The following MALT1 variants were observed in gnomAD, a reference collection of about 807,000 sequenced individuals.
MALT1 encodes MALT1 paracaspase, also known as mucosa-associated lymphoid tissue lymphoma translocation protein 1.
A neutral mutation model predicts 85.5 loss-of-function variants in MALT1; 36 were observed. That is an observed-to-expected ratio of 0.42 (90% CI 0.32 to 0.56). The LOEUF (loss-of-function observed/expected upper bound fraction) is 0.56. Ranked by LOEUF, MALT1 falls within the 20% of genes least tolerant of loss-of-function variation. The pLI, the probability that MALT1 is intolerant of heterozygous loss-of-function variation, is 0.10. For missense variants in MALT1, 716 were observed against 981.6 expected (o/e 0.73, Z 3.62); for synonymous variants, 359 against 361.3 (o/e 0.99, Z 0.07).
chr18:58,740,268 T>G (rs145140291), intron 13 of MALT1, among the ~76,000 whole-genome samples: 42 of 152,318 alleles, frequency 2.8e-4, no homozygotes, highest in Non-Finnish European at 4.4e-5. Context: ...GCTATTTCAT[T>G]TTGAAGAACC....
intron 2 of MALT1, among the ~76,000 whole-genome samples, chr18:58,693,259 A>T (rs2054539262): frequency 1.3e-5 from 2 of 152,096 alleles, no homozygotes; most frequent in Non-Finnish European, 2.9e-5. Flanking sequence ...CGTCTTTGCA[A>T]AAAATACAAA....
chr18:58,729,724 ATC>A (rs1296397461), intron 10 of MALT1, among the ~76,000 whole-genome samples: 2 of 152,222 alleles, frequency 1.3e-5, no homozygotes, highest in Non-Finnish European at 2.9e-5. Context: ...CAGGTTGAAT[ATC>A]TCTAATCTGA....
At position 58,747,561 on chromosome 18, in the gene MALT1, A is replaced by G; in HGVS notation, c.2194A>G (p.Met732Val). Residue 732 changes from methionine to valine, a missense_variant, in exon 17 of 17, where the codon ATG (methionine) becomes GTG (valine). By Grantham distance (21) the Met-to-Val change is conservative. Transcript: ENST00000649217. Reference protein sequence around the residue: ...GRKTCFQTCLMSNGPYQSSAA... With the variant: ...GRKTCFQTCLVSNGPYQSSAA... ...GAAGACTTGCTTTCAAACTTGTCTT[A>G]TGTCTAATGGTCCTTACCAGAGTTC... is the stretch of plus-strand genomic sequence containing the variant. The G allele has an allele frequency of 6.2e-7, 1 of 1,614,186 alleles. No homozygotes were observed. Among genetic ancestry groups the G allele is most frequent in the Non-Finnish European group, 8.5e-7 (1 of 1,180,020 alleles).
At chr18:58,689,258 T>TA (rs11421834) in intron 2 of MALT1, among the ~76,000 whole-genome samples, 87,139 of 143,952 alleles carry the variant, frequency 0.61, 27,798 homozygotes, top group African/African-American at 0.87. Flanking sequence ...TTTTACAATG[T>TA]AAAAAAAAAA....
chr18:58,675,180 G>A (rs2054222663), intron 1 of MALT1: 1 of 152,158 alleles, frequency 6.6e-6, no homozygotes, highest in Admixed American at 6.5e-5. Flanking sequence ...TAAATTCTTT[G>A]GTGGCATGGA....
In MALT1 at chr18:58,744,534, C is replaced by A; in HGVS notation, c.1911+39C>A. The A allele has an allele frequency of 4.3e-6, 6 of 1,396,778 alleles. No homozygotes were observed. In the South Asian group the frequency reaches 8.8e-5, roughly 20 times the overall value. The allele number at this position is 1,396,778 out of a possible 1,614,324, so 86.5% of individuals were successfully genotyped here. ...TTTATTTAAAATACAGTGATATATTCTCACTTATTAAAGACTAAATTTTTT... is the reference window on the plus strand; with the variant it reads ...TTTATTTAAAATACAGTGATATATTATCACTTATTAAAGACTAAATTTTTT... On this transcript the variant is annotated intron_variant, in intron 15 of 16. Coordinates refer to ENST00000649217, the MANE Select transcript of MALT1 (RefSeq NM_006785.4).
chr18:58,720,921 T>TC (rs1311107426), intron 9 of MALT1, among the ~76,000 whole-genome samples: 2 of 152,192 alleles, frequency 1.3e-5, no homozygotes, highest in African/African-American at 4.8e-5. Flanking sequence ...TTCTCACATT[T>TC]CCCCTCACCT....
rs1018017463 is a variant in MALT1 at position 58,753,841 on chromosome 18, T to C, written c.*5999T>C. 1 of 152,214 alleles carries C rather than the reference T, an allele frequency of 6.6e-6. No homozygotes were observed. Among genetic ancestry groups the C allele is most frequent in the African/African-American group, 2.4e-5 (1 of 41,462 alleles). The allele number at this position is 152,214 out of a possible 1,614,324, so 9.4% of individuals were successfully genotyped here. The stretch of plus-strand genomic sequence containing the variant: ...AGGAGTCTTCAGTTTAAAAGTACAG[T>C]GTCATTACAGAGTGCTTATTCTGTT... On this transcript the variant is annotated 3_prime_UTR_variant, in exon 17 of 17. Transcript: ENST00000649217.
rs1254476277 is a variant in MALT1 at position 58,749,010 on chromosome 18, A to G, written c.*1168A>G. 1 of 210,152 alleles carries G rather than the reference A, an allele frequency of 4.8e-6. No individual in the cohort carries two copies. Among genetic ancestry groups the G allele is most frequent in the African/African-American group, 2.3e-5 (1 of 44,100 alleles). The allele number at this position is 210,152 out of a possible 1,614,324, so 13.0% of individuals were successfully genotyped here. ...ATTAATACAAACACAAAAATCATTA[A>G]CAAAAATATTAGCAAACTGAATCCA... On this transcript the variant is annotated 3_prime_UTR_variant, in exon 17 of 17. Transcript: ENST00000649217.
chr18:58,729,605 T>A (rs75022589), intron 10 of MALT1, among the ~76,000 whole-genome samples: 5 of 152,126 alleles, frequency 3.3e-5, no homozygotes, highest in African/African-American at 1.2e-4. Flanking sequence ...ATCTTTGTAA[T>A]TTAATTTTCT....
intron 16 of MALT1, 79 bp downstream of exon 16, chr18:58,745,870 AT>A: frequency 7.8e-7 from 1 of 1,282,554 alleles, no homozygotes; most frequent in South Asian, 1.4e-5. Flanking sequence ...GACCATAGAT[AT>A]GCTGCCTTAT....
chr18:58,747,754 G>A lies in MALT1; in HGVS notation c.2387G>A (p.Cys796Tyr). 3.7e-6 allele frequency: 6 copies of A among 1,614,108 alleles called. No individual in the cohort carries two copies. Among genetic ancestry groups the A allele is most frequent in the Non-Finnish European group, 5.1e-6 (6 of 1,179,962 alleles). ...TCAAGTTTCGCTCACCATGCTTCATGTCATTTTAGTAGAAGTAATGTGCCA... is the reference window on the plus strand; with the variant it reads ...TCAAGTTTCGCTCACCATGCTTCATATCATTTTAGTAGAAGTAATGTGCCA... ...FISSFAHHAS[C>Y]HFSRSNVPVE... Residue 796 changes from cysteine to tyrosine, a missense_variant, in exon 17 of 17, where the codon TGT becomes TAT. By Grantham distance (194) the Cys-to-Tyr change is radical. Coordinates refer to ENST00000649217, the MANE Select transcript of MALT1 (RefSeq NM_006785.4).
chr18:58,678,384 C>T (rs1320655674), intron 1 of MALT1, among the ~76,000 whole-genome samples: 1 of 152,156 alleles, frequency 6.6e-6, no homozygotes, highest in Non-Finnish European at 1.5e-5. Context: ...GAAATTCATT[C>T]AGTAATCATT....
At position 58,710,026 on chromosome 18, in the gene MALT1, T is replaced by C. The variant is rs2144389003; in HGVS notation, c.879T>C (p.Tyr293=). 1 of 1,612,794 alleles carries C rather than the reference T, an allele frequency of 6.2e-7. No homozygotes were observed. The highest frequency in any genetic ancestry group is 1.1e-5 in the South Asian group (1 of 90,942). ...EHQGTYWCHV[Y]NDRDSQDSKK... The stretch of plus-strand genomic sequence containing the variant: ...AAGGAACCTACTGGTGTCATGTATA[T>C]AATGATCGAGACAGTCAAGATAGCA... Residue 293 remains tyrosine, a synonymous_variant, in exon 6 of 17, where the codon TAT becomes TAC. Coordinates refer to ENST00000649217, the MANE Select transcript of MALT1 (RefSeq NM_006785.4).
intron 1 of MALT1, 55 bp downstream of exon 1, chr18:58,671,907 G>A: frequency 2.6e-6 from 3 of 1,154,634 alleles, no homozygotes; most frequent in Non-Finnish European, 3.2e-6. Context: ...GTGGGCTGCG[G>A]TGGGGAGGTG....
chr18:58,690,117 C>G (rs1458228683), intron 2 of MALT1, among the ~76,000 whole-genome samples: 1 of 152,264 alleles, frequency 6.6e-6, no homozygotes, highest in Non-Finnish European at 1.5e-5. Context: ...TCTAGCAAGT[C>G]TGTCAGTGCC....
chr18:58,719,053 G>A (rs1239158650), intron 9 of MALT1, among the ~76,000 whole-genome samples: 2 of 152,158 alleles, frequency 1.3e-5, no homozygotes, highest in African/African-American at 2.4e-5. Context: ...AGTGGCTGGA[G>A]GCTATACTGG....
At chr18:58,692,435 T>TCTCA (rs1219766979) in intron 2 of MALT1, among the ~76,000 whole-genome samples, 2 of 58,698 alleles carry the variant, frequency 3.4e-5, no homozygotes, top group African/African-American at 1.3e-4. Context: ...TCTCTCTCTC[T>TCTCA]CACTCTCTCC....
chr18:58,718,979 G>A (rs758028710), intron 9 of MALT1, among the ~76,000 whole-genome samples: 36 of 152,186 alleles, frequency 2.4e-4, no homozygotes, highest in South Asian at 1.2e-3. Context: ...ATGGAGGCAT[G>A]AAATAGATGG....
Sources: allele counts gnomAD v4.1 joint callset (sites outside exome capture counted in the v4.1 genomes callset), GRCh38; gene constraint gnomAD v4.1.1; transcripts MANE v1.5; gene names NCBI Gene and HGNC (gene_info 2026-07-23, HGNC 2026-07-21).